Variants in COPG1 observed in about 807,000 individuals in gnomAD.
COPG1 encodes coat protein complex I subunit gamma 1.
In COPG1, 29 loss-of-function variants were observed where a neutral mutation model predicts 102.8. That is an observed-to-expected ratio of 0.28 (90% CI 0.21 to 0.38). The LOEUF is 0.38. COPG1 is among the 10% of genes least tolerant of loss of function. The pLI, the probability that COPG1 is intolerant of heterozygous loss-of-function variation, is 1.00. For synonymous variants in COPG1, 406 were observed against 421.6 expected (o/e 0.96, Z 0.45); for missense variants, 875 against 1,132.7 (o/e 0.77, Z 3.27).
At chr3:129,268,103 C>T in intron 16 of COPG1, 63 bp downstream of exon 16, 1 of 1,388,850 alleles carries the variant, frequency 7.2e-7, no homozygotes, top group Non-Finnish European at 1.0e-6. Flanking sequence ...CTCATCACTC[C>T]CTGGGCAGGG....
At chr3:129,264,350 A>G (rs1301691286) in intron 13 of COPG1, among the ~76,000 whole-genome samples, 1 of 152,188 alleles carries the variant, frequency 6.6e-6, no homozygotes, top group Non-Finnish European at 1.5e-5. Flanking sequence ...AACCGGTGCT[A>G]ATAATACGAC....
chr3:129,274,799 G>A, intron 21 of COPG1, 39 bp from the exon 22 acceptor site: 1 of 1,611,754 alleles, frequency 6.2e-7, no homozygotes. Flanking sequence ...GCCCGTAGGT[G>A]TGTAGATGGG....
Position 129,260,364 on chromosome 3 carries a change from T to C in COPG1, c.903T>C (p.Ala301=), listed in dbSNP as rs1417612786. The change falls in exon 11 of 24, where the codon GCT becomes GCC. Residue 301 remains alanine, a synonymous_variant. Transcript: ENST00000314797. ...VLQLFCSSPK[A]ALRYAAVRTL... is the part of the protein sequence containing the mutation. ...AGCTTTTCTGCAGCTCACCCAAGGC[T>C]GCTCTCCGCTATGCTGCTGTTCGTA... is the stretch of plus-strand genomic sequence containing the variant. 1.7e-5 allele frequency: 27 copies of C among 1,614,080 alleles called. No homozygotes were observed. The highest frequency in any genetic ancestry group is 2.1e-5 in the Non-Finnish European group (25 of 1,180,032).
intron 2 of COPG1, among the ~76,000 whole-genome samples, chr3:129,251,984 C>A (rs183642022): frequency 2.2e-4 from 34 of 152,312 alleles, no homozygotes; most frequent in Middle Eastern, 3.4e-3. Flanking sequence ...TGCGTCCAGC[C>A]GCTTCTTTCT....
intron 21 of COPG1, 78 bp downstream of exon 21, chr3:129,272,982 TG>T: frequency 1.4e-6 from 1 of 703,810 alleles, no homozygotes; most frequent in African/African-American, 1.8e-5. Flanking sequence ...ACAGTGAGAC[TG>T]GAGCTGTTTT....
intron 13 of COPG1, among the ~76,000 whole-genome samples, chr3:129,264,988 A>AT (rs1940023655): frequency 6.6e-6 from 1 of 151,398 alleles, no homozygotes; most frequent in Non-Finnish European, 1.5e-5. Flanking sequence ...CGCCCGGCTA[A>AT]TTTTTTATAT....
At chr3:129,250,585 A>G (rs1560060751) in intron 1 of COPG1, 97 bp from the exon 2 acceptor site, 1 of 969,804 alleles carries the variant, frequency 1.0e-6, no homozygotes, top group Non-Finnish European at 1.6e-6. Context: ...GAACTTTACT[A>G]GATTTCCTAG....
chr3:129,259,076 A>G (rs993052305), intron 10 of COPG1, among the ~76,000 whole-genome samples: 12 of 152,150 alleles, frequency 7.9e-5, no homozygotes, highest in Admixed American at 5.9e-4. Flanking sequence ...TTGTTTTTCT[A>G]TTATTCTCTA....
chr3:129,276,378 T>C (rs905412498), intron 23 of COPG1, among the ~76,000 whole-genome samples: 27 of 152,224 alleles, frequency 1.8e-4, no homozygotes, highest in African/African-American at 6.5e-4. Context: ...ACTCCAGAAA[T>C]AGCATTTTAT....
intron 14 of COPG1, 97 bp downstream of exon 14, chr3:129,265,889 C>CA (rs1352181396): frequency 1.6e-6 from 2 of 1,233,856 alleles, no homozygotes; most frequent in African/African-American, 3.0e-5. Context: ...TTTGTGCACT[C>CA]AGTGTTCTTG....
intron 19 of COPG1, 107 bp downstream of exon 19, chr3:129,272,016 C>T: frequency 2.3e-6 from 3 of 1,313,056 alleles, no homozygotes; most frequent in Non-Finnish European, 3.1e-6. Flanking sequence ...TGGTTGGGAG[C>T]CCAACTTGAT....
chr3:129,268,024 A>G lies in COPG1; in HGVS notation c.1632A>G (p.Ala544=), dbSNP rs967042433. 4 of 1,613,728 alleles carry G rather than the reference A, an allele frequency of 2.5e-6. No homozygotes were observed. The African/African-American group carries it at 5.3e-5, about 22-fold the overall frequency. ...VLEQKQKALN[A]GYILNGLTVS... ...AGCAGAAGCAGAAGGCCCTTAATGC[A>G]GGCTATATCCTAAATGGTGAGTCAT... Residue 544 remains alanine, a synonymous_variant, in exon 16 of 24, where the codon GCA becomes GCG. Transcript: ENST00000314797.
chr3:129,277,519 C>A lies in COPG1; in HGVS notation c.*95C>A. The A allele has an allele frequency of 7.6e-7, 1 of 1,320,062 alleles. No individual in the cohort carries two copies. The highest frequency in any genetic ancestry group is 1.0e-6 in the Non-Finnish European group (1 of 958,806). The allele number at this position is 1,320,062 out of a possible 1,614,324, so 81.8% of individuals were successfully genotyped here. A position where few individuals can be genotyped will look rare whatever the true frequency, so the allele number is the denominator to read the frequency against. ...CTGGCAGAAACCCCTTCCCAAGCTT[C>A]TGTATTGAAAAACAATTAGGAATCA... is the stretch of plus-strand genomic sequence containing the variant. On this transcript the variant is annotated 3_prime_UTR_variant, in exon 24 of 24. Transcript: ENST00000314797.
At chr3:129,256,269 T>G in intron 8 of COPG1, 115 bp downstream of exon 8, 1 of 805,294 alleles carries the variant, frequency 1.2e-6, no homozygotes. Flanking sequence ...CATAGCAGGC[T>G]TTAATCCTTT....
chr3:129,265,899 G>A, intron 14 of COPG1, 107 bp downstream of exon 14: 2 of 1,078,082 alleles, frequency 1.9e-6, no homozygotes, highest in Non-Finnish European at 2.7e-6. Flanking sequence ...CAGTGTTCTT[G>A]CTGCACAAGC....
intron 12 of COPG1, among the ~76,000 whole-genome samples, chr3:129,261,767 T>C (rs1177721433): frequency 6.6e-6 from 1 of 152,152 alleles, no homozygotes; most frequent in Non-Finnish European, 1.5e-5. Context: ...CTATGCAAGA[T>C]GTCATGTGGA....
chr3:129,258,211 G>T (rs1157061789), intron 10 of COPG1, among the ~76,000 whole-genome samples: 1 of 152,214 alleles, frequency 6.6e-6, no homozygotes, highest in East Asian at 1.9e-4. Context: ...GGAGAGAACA[G>T]TATAGAGGGT....
intron 21 of COPG1, among the ~76,000 whole-genome samples, chr3:129,273,465 T>C (rs1283732635): frequency 6.6e-6 from 1 of 152,228 alleles, no homozygotes; most frequent in Non-Finnish European, 1.5e-5. Context: ...TGGGGGGAAG[T>C]GGTATAATTG....
rs1178236641 is a variant in COPG1, at chr3:129,277,657, T to A, written c.*233T>A. 2.3e-6 allele frequency: 1 copy of A among 437,782 alleles called. No individual in the cohort carries two copies. 27.1% of individuals were successfully genotyped at this position (437,782 alleles called of 1,614,324 possible). ...GATTTTAGCTTGTCCTAAATCTTGC[T>A]GTCCACCCTTCCAGGAAAGGGACAT... On this transcript the variant is annotated 3_prime_UTR_variant, in exon 24 of 24. Transcript: ENST00000314797.
Sources: allele counts gnomAD v4.1 joint callset (sites outside exome capture counted in the v4.1 genomes callset), GRCh38; gene constraint gnomAD v4.1.1; transcripts MANE v1.5; gene names NCBI Gene and HGNC (gene_info 2026-07-23, HGNC 2026-07-21).